The following RBFOX1 variants were observed in gnomAD, a reference collection of about 807,000 sequenced individuals.
RBFOX1 encodes RNA binding protein fox-1 homolog 1.
A neutral mutation model predicts 57.7 loss-of-function variants in RBFOX1; 8 were observed. The observed-to-expected ratio is 0.14, with a 90% confidence interval of 0.08 to 0.25. The LOEUF (loss-of-function observed/expected upper bound fraction) is 0.25. Among genes scored for constraint, RBFOX1 ranks in the 10% least tolerant of loss-of-function variants. RBFOX1 has a pLI of 1.00. For missense variants in RBFOX1, 611 were observed against 548.5 expected, an observed-to-expected ratio of 1.11 and a Z score of -1.14; for synonymous variants, 326 against 222.4, an observed-to-expected ratio of 1.47 and a Z score of -4.15.
In RBFOX1 at chr16:6,494,218, A is replaced by T. The variant is rs1256448083; in HGVS notation, c.-63-160385A>T. 2.6e-5 allele frequency among the ~76,000 whole-genome samples: 4 copies of T among 152,126 alleles called. No individual in the cohort carries two copies. In the South Asian group the frequency reaches 8.3e-4, roughly 31 times the overall value. ...GGCTGCAATCCACTGACCTTATTTG[A>T]ATTTCCCTAAGGTTACTTGCACGTA... is the stretch of plus-strand genomic sequence containing the variant. On this transcript the variant is annotated intron_variant, in intron 2 of 15. Transcript: ENST00000550418.
In RBFOX1 at chr16:6,019,744, C is replaced by T. The variant is rs921694401; in HGVS notation, c.-375C>T. The T allele has an allele frequency of 4.3e-6, 6 of 1,379,320 alleles. No individual in the cohort carries two copies. The highest frequency in any genetic ancestry group is 5.6e-6 in the Non-Finnish European group (6 of 1,066,138). The allele number at this position is 1,379,320 out of a possible 1,614,324, so 85.4% of individuals were successfully genotyped here. A position where few individuals can be genotyped will look rare whatever the true frequency, so the allele number is the denominator to read the frequency against. On this transcript the variant is annotated 5_prime_UTR_variant, in exon 1 of 16. Transcript: ENST00000550418. The surrounding 1 kb of genome is among the most constrained non-coding windows in gnomAD (Gnocchi z 4.2). ...GACCGCGCGCCCGGGATTGAGAGTCCTTGCGCTCCAGACCCCCACCCAGTG... is the reference window on the plus strand; with the variant it reads ...GACCGCGCGCCCGGGATTGAGAGTCTTTGCGCTCCAGACCCCCACCCAGTG...
chr16:7,057,455 C>G (rs944706327), intron 4 of RBFOX1, among the ~76,000 whole-genome samples: 8 of 152,176 alleles, frequency 5.3e-5, no homozygotes, highest in African/African-American at 1.9e-4. Flanking sequence ...CTCCCTCTAC[C>G]TTTATGCACA....
intron 3 of RBFOX1, among the ~76,000 whole-genome samples, chr16:5,838,919 T>C (rs946816201): frequency 1.3e-5 from 2 of 152,182 alleles, no homozygotes; most frequent in Non-Finnish European, 2.9e-5. Context: ...AAGATGACTT[T>C]GAGAGGTGTG....
chr16:7,298,275 G>GTTT (rs1281918637), intron 4 of RBFOX1, among the ~76,000 whole-genome samples: 29 of 117,578 alleles, frequency 2.5e-4, no homozygotes, highest in Middle Eastern at 5.9e-3. Context: ...TTGTGTATAG[G>GTTT]TTTTTTTTTG....
intron 2 of RBFOX1, among the ~76,000 whole-genome samples, chr16:6,370,218 C>T (rs7184898): frequency 0.34 from 51,990 of 151,050 alleles, 9,397 homozygotes; most frequent in South Asian, 0.59. Context: ...ATTAGCTGGG[C>T]GGGGTGGCGG....
intron 12 of RBFOX1, among the ~76,000 whole-genome samples, chr16:7,657,734 C>A (rs1272640374): frequency 6.6e-6 from 1 of 152,112 alleles, no homozygotes; most frequent in Non-Finnish European, 1.5e-5. Flanking sequence ...TAAATAGAAA[C>A]CTCTTGGGAC....
chr16:7,193,326 G>A (rs1282173955), intron 4 of RBFOX1, among the ~76,000 whole-genome samples: 1 of 152,152 alleles, frequency 6.6e-6, no homozygotes, highest in African/African-American at 2.4e-5. Context: ...GAAAAGGCAA[G>A]AACTCAGATT....
intron 4 of RBFOX1, among the ~76,000 whole-genome samples, chr16:7,457,626 G>A (rs1219486190): frequency 6.6e-6 from 1 of 152,156 alleles, no homozygotes; most frequent in Non-Finnish European, 1.5e-5. Context: ...CTTGTGAAGT[G>A]TTTTAAATCA....
At chr16:6,859,155 A>ATATATATATG (rs1567592920) in intron 3 of RBFOX1, among the ~76,000 whole-genome samples, 3 of 60,242 alleles carry the variant, frequency 5.0e-5, no homozygotes, top group Non-Finnish European at 6.8e-5. Context: ...ATATATATGT[A>ATATATATATG]TATATATACG....
intron 3 of RBFOX1, among the ~76,000 whole-genome samples, chr16:6,772,410 G>C (rs770712283): frequency 2.7e-4 from 40 of 147,816 alleles, no homozygotes; most frequent in Non-Finnish European, 5.3e-4. Flanking sequence ...GAAGGGTTTT[G>C]TGTGTGCGCA....
At chr16:6,112,053 G>A (rs2096452808) in intron 1 of RBFOX1, among the ~76,000 whole-genome samples, 1 of 152,092 alleles carries the variant, frequency 6.6e-6, no homozygotes, top group Non-Finnish European at 1.5e-5. Context: ...TAGATTGAAT[G>A]AAGTATTTCA....
At chr16:6,041,740 A>G (rs984995516) in intron 1 of RBFOX1, among the ~76,000 whole-genome samples, 1 of 152,338 alleles carries the variant, frequency 6.6e-6, no homozygotes, top group Non-Finnish European at 1.5e-5. Flanking sequence ...CAAATACATC[A>G]GAAGACATCA....
intron 4 of RBFOX1, among the ~76,000 whole-genome samples, chr16:7,070,972 G>A (rs79629258): frequency 6.6e-6 from 1 of 152,112 alleles, no homozygotes; most frequent in Non-Finnish European, 1.5e-5. Context: ...AAGCAATTTT[G>A]CCCAGAGTGG....
intron 1 of RBFOX1, among the ~76,000 whole-genome samples, chr16:6,310,448 G>A (rs12446415): frequency 0.18 from 26,989 of 152,186 alleles, 3,020 homozygotes; most frequent in Non-Finnish European, 0.25. Context: ...AGAAGTAGGC[G>A]TAGCGCTTGG....
Position 7,421,163 on chromosome 16 carries a change from A to G in RBFOX1, c.28-96984A>G, listed in dbSNP as rs114584462. Among the ~76,000 whole-genome samples, 1,314 of 152,204 alleles carry G rather than the reference A, an allele frequency of 8.6e-3. 21 individuals are homozygous for G. Among genetic ancestry groups the G allele is most frequent in the African/African-American group, 0.03 (1,246 of 41,510 alleles). On this transcript the variant is annotated intron_variant, in intron 4 of 15. Coordinates refer to ENST00000550418, the MANE Select transcript of RBFOX1 (RefSeq NM_018723.4). ...CACTGGTATTGACCAGGAAAGTTGT[A>G]TGTAATAGAAATTGTAGAGCACAGT...
At chr16:6,317,213 A>G (rs2081217498) in intron 2 of RBFOX1, among the ~76,000 whole-genome samples, 156 bp downstream of exon 2, 1 of 152,202 alleles carries the variant, frequency 6.6e-6, no homozygotes, top group Non-Finnish European at 1.5e-5. Context: ...ATCAGAGATG[A>G]GAAGAGGGCC....
At chr16:7,382,214 TAATTA>T (rs1481255691) in intron 4 of RBFOX1, among the ~76,000 whole-genome samples, 1 of 152,202 alleles carries the variant, frequency 6.6e-6, no homozygotes, top group African/African-American at 2.4e-5. Context: ...TTCAGTAAAC[TAATTA>T]AACTAATCCT....
At chr16:7,245,930 A>G (rs965256680) in intron 4 of RBFOX1, among the ~76,000 whole-genome samples, 7 of 152,162 alleles carry the variant, frequency 4.6e-5, no homozygotes, top group African/African-American at 1.4e-4. Context: ...AGCAGCTTGA[A>G]ACAGTTCAAC....
intron 4 of RBFOX1, among the ~76,000 whole-genome samples, chr16:5,964,745 ATG>A (rs753888475): frequency 2.0e-5 from 3 of 151,868 alleles, no homozygotes; most frequent in Non-Finnish European, 4.4e-5. Context: ...CTCTTAGGTT[ATG>A]TGTGTGTATA....
Sources: gnomAD v4.1 joint callset for allele counts (sites outside exome capture counted in the v4.1 genomes callset) on GRCh38, gnomAD v4.1.1 for gene constraint, Gnocchi (gnomAD v3.1) non-coding constraint, MANE v1.5 for transcripts, NCBI Gene and HGNC (gene_info 2026-07-23, HGNC 2026-07-21) for gene names.